SLC24A2: variants seen among roughly 807,000 people sequenced by gnomAD.
The protein encoded by SLC24A2 is solute carrier family 24 member 2.
A neutral mutation model predicts 62.0 loss-of-function variants in SLC24A2; 36 were observed. The observed-to-expected ratio is 0.58, with a 90% confidence interval of 0.44 to 0.77. The LOEUF is 0.77. SLC24A2 is among the 30% of genes least tolerant of loss of function. The pLI, the probability that SLC24A2 is intolerant of heterozygous loss-of-function variation, is 0.00. For missense variants in SLC24A2, 846 were observed against 817.9 expected (o/e 1.03, Z -0.42); for synonymous variants, 358 against 294.0 (o/e 1.22, Z -2.23).
the SLC24A2 span, among the ~76,000 whole-genome samples, chr9:20,024,689 TGC>T: frequency 6.6e-5 from 10 of 152,198 alleles, no homozygotes; most frequent in African/African-American, 2.4e-4. Context: ...CACTTGTGTG[TGC>T]GTGTCCAGCT....
chr9:19,797,684 A>G, the SLC24A2 span, among the ~76,000 whole-genome samples: 2 of 152,210 alleles, frequency 1.3e-5, no homozygotes, highest in Non-Finnish European at 2.9e-5. Flanking sequence ...GAGCTAAAAA[A>G]GAGGCTAGGG....
chr9:19,583,469 G>C (rs1320219229), intron 5 of SLC24A2, among the ~76,000 whole-genome samples: 1 of 152,226 alleles, frequency 6.6e-6, no homozygotes, highest in Non-Finnish European at 1.5e-5. Context: ...ACTGGCAGCA[G>C]ACAAGCTTCA....
At chr9:19,876,228 T>C in the SLC24A2 span, among the ~76,000 whole-genome samples, 1 of 152,190 alleles carries the variant, frequency 6.6e-6, no homozygotes, top group South Asian at 2.1e-4. Flanking sequence ...GCATGTTCAA[T>C]AGGTAATAAT....
the SLC24A2 span, among the ~76,000 whole-genome samples, chr9:20,270,084 C>G: frequency 6.6e-6 from 1 of 152,136 alleles, no homozygotes; most frequent in African/African-American, 2.4e-5. Context: ...ATGACCTACT[C>G]TAGCAGGAAA....
chr9:20,004,009 T>G, the SLC24A2 span, among the ~76,000 whole-genome samples: 1 of 152,184 alleles, frequency 6.6e-6, no homozygotes, highest in African/African-American at 2.4e-5. Flanking sequence ...ATGTAATTAG[T>G]TGGGCTAGAG....
chr9:20,184,719 C>A, the SLC24A2 span, among the ~76,000 whole-genome samples: 1 of 152,082 alleles, frequency 6.6e-6, no homozygotes, highest in East Asian at 1.9e-4. Flanking sequence ...AAAAATAGAA[C>A]TACCATATGT....
intron 7 of SLC24A2, among the ~76,000 whole-genome samples, chr9:19,552,852 T>C (rs1247752372): frequency 6.6e-6 from 1 of 152,206 alleles, no homozygotes; most frequent in Non-Finnish European, 1.5e-5. Context: ...CAGAAAATAA[T>C]AATTGTCTGT....
chr9:19,946,062 A>G, the SLC24A2 span, among the ~76,000 whole-genome samples: 1 of 152,210 alleles, frequency 6.6e-6, no homozygotes, highest in East Asian at 1.9e-4. Context: ...TATTGTGGTC[A>G]ATGGCAAAAA....
At chr9:19,803,720 A>T in the SLC24A2 span, among the ~76,000 whole-genome samples, 1 of 152,178 alleles carries the variant, frequency 6.6e-6, no homozygotes, top group Non-Finnish European at 1.5e-5. Context: ...TAAAAATTAG[A>T]GAAATATTTG....
chr9:19,609,467 C>T (rs1837083803), intron 4 of SLC24A2, among the ~76,000 whole-genome samples: 1 of 152,292 alleles, frequency 6.6e-6, no homozygotes, highest in Non-Finnish European at 1.5e-5. Flanking sequence ...CTTTTTTGTA[C>T]TTCTTTGTTG....
At chr9:20,285,012 T>C in the SLC24A2 span, among the ~76,000 whole-genome samples, 1 of 152,218 alleles carries the variant, frequency 6.6e-6, no homozygotes, top group African/African-American at 2.4e-5. Context: ...AGTTTTTAAA[T>C]GTTAAGTGTA....
At chr9:20,251,625 C>A in the SLC24A2 span, among the ~76,000 whole-genome samples, 3 of 152,144 alleles carry the variant, frequency 2.0e-5, no homozygotes, top group Admixed American at 6.5e-5. Context: ...ATAAACTGGT[C>A]AAGTTACATG....
At chr9:19,779,788 G>A (rs773125333) in intron 2 of SLC24A2, among the ~76,000 whole-genome samples, 3 of 152,178 alleles carry the variant, frequency 2.0e-5, no homozygotes, top group Admixed American at 1.3e-4. Flanking sequence ...AGGCGGGCGC[G>A]GTGGCTCACG....
the SLC24A2 span, among the ~76,000 whole-genome samples, chr9:19,875,088 A>G: frequency 6.6e-6 from 1 of 152,022 alleles, no homozygotes; most frequent in Non-Finnish European, 1.5e-5. Flanking sequence ...GATGCCTTCA[A>G]TGGAAAGTTT....
At chr9:20,242,954 A>T in the SLC24A2 span, among the ~76,000 whole-genome samples, 5 of 152,268 alleles carry the variant, frequency 3.3e-5, no homozygotes, top group East Asian at 1.9e-4. Flanking sequence ...ACCAATCTAC[A>T]AGCCACTTGC....
chr9:20,179,159 G>A, the SLC24A2 span, among the ~76,000 whole-genome samples: 104 of 152,218 alleles, frequency 6.8e-4, no homozygotes, highest in Middle Eastern at 3.4e-3. Context: ...AGAGAAGACC[G>A]TAGAAATCAT....
intron 2 of SLC24A2, among the ~76,000 whole-genome samples, chr9:19,749,827 A>G (rs546297091): frequency 2.0e-5 from 3 of 152,228 alleles, no homozygotes; most frequent in African/African-American, 7.2e-5. Flanking sequence ...CAGCTAGTCC[A>G]TATGCTCACA....
the SLC24A2 span, among the ~76,000 whole-genome samples, chr9:20,141,631 C>G: frequency 1.3e-5 from 2 of 151,614 alleles, no homozygotes; most frequent in South Asian, 2.1e-4. Context: ...ATATCACCAC[C>G]ACACACCCTT....
At chr9:19,911,995 C>G in the SLC24A2 span, among the ~76,000 whole-genome samples, 670 of 152,206 alleles carry the variant, frequency 4.4e-3, 4 homozygotes, top group Middle Eastern at 0.017. Context: ...GTTTACTCAC[C>G]CAATCATTTT....
Sources: gnomAD v4.1 joint callset for allele counts (sites outside exome capture counted in the v4.1 genomes callset) on GRCh38, gnomAD v4.1.1 for gene constraint, MANE v1.5 for transcripts, NCBI Gene and HGNC (gene_info 2026-07-23, HGNC 2026-07-21) for gene names.